The following TMEM117 variants were observed in gnomAD, a reference collection of about 807,000 sequenced individuals.
The protein encoded by TMEM117 is transmembrane protein 117.
In TMEM117, 27 loss-of-function variants were observed where a neutral mutation model predicts 52.4. The observed-to-expected ratio is 0.51, with a 90% CI of 0.38 to 0.71. The LOEUF is 0.71. TMEM117 is among the 30% of genes least tolerant of loss of function. TMEM117 has a pLI of 0.00. For missense variants in TMEM117, 556 were observed against 630.5 expected (o/e 0.88, Z 1.26); for synonymous variants, 215 against 206.3 (o/e 1.04, Z -0.36).
At chr12:44,097,480 G>A (rs370553930) in intron 3 of TMEM117, among the ~76,000 whole-genome samples, 1 of 151,692 alleles carries the variant, frequency 6.6e-6, no homozygotes, top group South Asian at 2.1e-4. Context: ...GTCCAACAAC[G>A]ATAGACTGGA....
chr12:44,147,347 A>G (rs954783798), intron 4 of TMEM117, among the ~76,000 whole-genome samples: 6 of 151,998 alleles, frequency 3.9e-5, no homozygotes, highest in African/African-American at 1.5e-4. Context: ...ACATTACCCC[A>G]GTTTTGCCAT....
chr12:44,253,873 CACA>C (rs1565640667), intron 5 of TMEM117, among the ~76,000 whole-genome samples: 7 of 149,650 alleles, frequency 4.7e-5, no homozygotes, highest in African/African-American at 1.8e-4. Flanking sequence ...CACACACACA[CACA>C]CCTTCTCTCT....
intron 5 of TMEM117, among the ~76,000 whole-genome samples, chr12:44,228,104 A>G (rs1949886575): frequency 6.6e-6 from 1 of 151,996 alleles, no homozygotes; most frequent in African/African-American, 2.4e-5. Context: ...CAGGTGAAAA[A>G]ATTTTGTTCT....
chr12:43,895,750 C>G (rs1944189816), intron 2 of TMEM117, among the ~76,000 whole-genome samples: 1 of 152,154 alleles, frequency 6.6e-6, no homozygotes, highest in South Asian at 2.1e-4. Flanking sequence ...ATTCCGTACA[C>G]CATGCTAAAG....
intron 2 of TMEM117, among the ~76,000 whole-genome samples, chr12:43,867,556 T>G (rs1943624873): frequency 6.6e-6 from 1 of 152,158 alleles, no homozygotes; most frequent in African/African-American, 2.4e-5. Context: ...TTAAAAAGTT[T>G]GATCCAAGTA....
At position 43,899,210 on chromosome 12, in the gene TMEM117, G is replaced by T. The variant is rs151087150; in HGVS notation, c.278-45000G>T. On this transcript the variant is annotated intron_variant, in intron 2 of 7. Transcript: ENST00000266534. Reference sequence around the variant, plus strand: ...TACAAAACCCAAAATATTTTTCTTAGCTGCAATTGAAAGCAGCCTATTAGC... The same window carrying T: ...TACAAAACCCAAAATATTTTTCTTATCTGCAATTGAAAGCAGCCTATTAGC... Among the ~76,000 whole-genome samples the T allele has an allele frequency of 2.1e-3, 325 of 152,180 alleles. 2 individuals carry two copies. The highest frequency in any genetic ancestry group is 7.2e-3 in the African/African-American group (298 of 41,498).
chr12:44,294,782 A>G (rs1021825973), intron 5 of TMEM117, among the ~76,000 whole-genome samples: 2 of 152,190 alleles, frequency 1.3e-5, no homozygotes. Context: ...CATATCCTGG[A>G]AAAAGGGATA....
At chr12:44,181,900 G>A (rs1203773025) in intron 4 of TMEM117, among the ~76,000 whole-genome samples, 1 of 151,972 alleles carries the variant, frequency 6.6e-6, no homozygotes, top group Non-Finnish European at 1.5e-5. Flanking sequence ...GAAAGGCATT[G>A]GTAGCTTGAT....
At chr12:44,151,516 C>G (rs559810538) in intron 4 of TMEM117, among the ~76,000 whole-genome samples, 45 of 122,122 alleles carry the variant, frequency 3.7e-4, no homozygotes, top group Non-Finnish European at 6.3e-4. Context: ...GCCCTCCCCC[C>G]ACCCCACAAC....
chr12:44,335,851 G>T (rs557717330), intron 6 of TMEM117, among the ~76,000 whole-genome samples: 1 of 152,100 alleles, frequency 6.6e-6, no homozygotes, highest in South Asian at 2.1e-4. Context: ...ATTGTCTTAT[G>T]TATGAGCAAT....
chr12:44,095,909 A>G lies in TMEM117; in HGVS notation c.411-47616A>G, dbSNP rs181489270. ...AGGAAATAAAGGGTATTCAATTAGG[A>G]AAAGAGGAAGTCAAATTGTCCCTGT... On this transcript the variant is annotated intron_variant, in intron 3 of 7. Transcript: ENST00000266534. Among the ~76,000 whole-genome samples the G allele has an allele frequency of 3.0e-4, 46 of 152,260 alleles. No individual in the cohort carries two copies. In the East Asian group the frequency reaches 8.5e-3, roughly 28 times the overall value.
At chr12:43,894,465 T>C (rs1944163081) in intron 2 of TMEM117, among the ~76,000 whole-genome samples, 1 of 152,076 alleles carries the variant, frequency 6.6e-6, no homozygotes, top group Admixed American at 6.6e-5. Flanking sequence ...TAAACATGTG[T>C]CATGGGGGTT....
At chr12:43,890,291 T>C (rs1944078720) in intron 2 of TMEM117, among the ~76,000 whole-genome samples, 1 of 152,174 alleles carries the variant, frequency 6.6e-6, no homozygotes, top group Non-Finnish European at 1.5e-5. Flanking sequence ...TTTTGCAACT[T>C]CTGGGTTAGG....
At chr12:44,123,249 T>G (rs926327730) in intron 3 of TMEM117, among the ~76,000 whole-genome samples, 34 of 152,092 alleles carry the variant, frequency 2.2e-4, no homozygotes, top group Non-Finnish European at 3.5e-4. Flanking sequence ...ATGGGGTTTT[T>G]TTTTTCTCGT....
At chr12:44,181,820 T>C (rs61933045) in intron 4 of TMEM117, among the ~76,000 whole-genome samples, 8,259 of 150,646 alleles carry the variant, frequency 0.055, 361 homozygotes, top group South Asian at 0.13. Context: ...TGGCTTAGGA[T>C]TGACTTGGCG....
chr12:44,387,917 G>A (rs1472871436), intron 7 of TMEM117, 109 bp from the exon 8 acceptor site: 1 of 1,029,532 alleles, frequency 9.7e-7, no homozygotes, highest in Admixed American at 2.8e-5. Context: ...TAACCAGTCT[G>A]AAACATTAAC....
At chr12:44,090,625 T>C (rs986870961) in intron 3 of TMEM117, among the ~76,000 whole-genome samples, 2 of 151,510 alleles carry the variant, frequency 1.3e-5, no homozygotes, top group South Asian at 2.1e-4. Context: ...TTAGTAGAGA[T>C]GCAGTTTCAC....
chr12:43,814,738 CTTTT>C, the TMEM117 span, among the ~76,000 whole-genome samples: 2 of 107,630 alleles, frequency 1.9e-5, no homozygotes. Flanking sequence ...GGGTTTGAAT[CTTTT>C]TTTTTTTTTT....
At chr12:44,000,685 G>A (rs181621134) in intron 3 of TMEM117, among the ~76,000 whole-genome samples, 147 of 152,306 alleles carry the variant, frequency 9.7e-4, no homozygotes, top group African/African-American at 3.4e-3. Context: ...CAAGGGCTAA[G>A]AGTGTTCAGA....
Sources: allele counts gnomAD v4.1 joint callset (sites outside exome capture counted in the v4.1 genomes callset), GRCh38; gene constraint gnomAD v4.1.1; transcripts MANE v1.5; gene names NCBI Gene and HGNC (gene_info 2026-07-23, HGNC 2026-07-21).